Variants in TDRD9 observed in about 807,000 individuals in gnomAD.
TDRD9 encodes the protein ATP-dependent RNA helicase TDRD9.
In TDRD9, 124 loss-of-function variants were observed where a neutral mutation model predicts 172.6. That is an observed-to-expected ratio of 0.72 (90% CI 0.62 to 0.83). The LOEUF is 0.83. Ranked by LOEUF, TDRD9 falls within the 40% of genes least tolerant of loss-of-function variation. The probability of loss-of-function intolerance (pLI) is 0.00; values close to 1 mark genes in which losing one functional copy is unlikely to be tolerated. For synonymous variants in TDRD9, 619 were observed against 617.1 expected (o/e 1.00, Z -0.05); for missense variants, 1,479 against 1,714.1 (o/e 0.86, Z 2.42).
chr14:104,032,573 C>T (rs945506945), intron 30 of TDRD9, among the ~76,000 whole-genome samples: 1 of 152,230 alleles, frequency 6.6e-6, no homozygotes, highest in Non-Finnish European at 1.5e-5. Flanking sequence ...CTCTCTCACA[C>T]ACGTGAAAGC....
intron 1 of TDRD9, chr14:103,942,080 T>A (rs1180605724): frequency 5.2e-6 from 1 of 191,170 alleles, no homozygotes; most frequent in Non-Finnish European, 1.1e-5. Flanking sequence ...ACAGAAAAGG[T>A]TTAAAGCTTA....
At chr14:104,004,129 T>C (rs1463228268) in intron 13 of TDRD9, 109 bp from the exon 14 acceptor site, 14 of 516,940 alleles carry the variant, frequency 2.7e-5, no homozygotes, top group Middle Eastern at 2.8e-4. Flanking sequence ...TGGTGGAAGA[T>C]ACTTAAGGCT....
chr14:103,997,395 T>C lies in TDRD9; in HGVS notation c.1379-1229T>C, dbSNP rs566841032. Among the ~76,000 whole-genome samples the C allele has an allele frequency of 5.3e-5, 8 of 152,262 alleles. No homozygotes were observed. In the South Asian group the frequency reaches 1.7e-3, roughly 32 times the overall value. On this transcript the variant is annotated intron_variant, in intron 12 of 35. Coordinates refer to ENST00000409874, the MANE Select transcript of TDRD9 (RefSeq NM_153046.3). This position sits in a 1 kb window ranked among gnomAD's most constrained non-coding sequence, Gnocchi z 5.1. ...TTGTGAGAGACACATTTGGTCGGCC[T>C]CTAGACATGTGGCCTGAGAGACTGG...
intron 4 of TDRD9, among the ~76,000 whole-genome samples, chr14:103,965,973 A>G (rs952744728): frequency 1.3e-5 from 2 of 152,032 alleles, no homozygotes; most frequent in African/African-American, 4.8e-5. Context: ...ACAAACAAAA[A>G]AAGAAACCAG....
intron 7 of TDRD9, among the ~76,000 whole-genome samples, chr14:103,983,931 A>T (rs147120448): frequency 0.023 from 3,522 of 152,278 alleles, 77 homozygotes; most frequent in East Asian, 0.07. Flanking sequence ...TCAGATGGAG[A>T]TGAGGAACTT....
chr14:104,026,261 G>A (rs1036718209), intron 27 of TDRD9, 125 bp downstream of exon 27: 5 of 664,752 alleles, frequency 7.5e-6, no homozygotes, highest in Non-Finnish European at 1.3e-5. Context: ...AGGACAGGGA[G>A]GGACTTGCTT....
At chr14:103,962,068 A>C (rs1051957968) in intron 2 of TDRD9, among the ~76,000 whole-genome samples, 1 of 152,210 alleles carries the variant, frequency 6.6e-6, no homozygotes, top group African/African-American at 2.4e-5. Flanking sequence ...TTGTCAAGTG[A>C]TGACCAGAGG....
chr14:104,010,457 G>A (rs954770408), intron 20 of TDRD9, among the ~76,000 whole-genome samples: 2 of 152,070 alleles, frequency 1.3e-5, no homozygotes, highest in Non-Finnish European at 2.9e-5. Context: ...AAGGTCATCA[G>A]GGGCAGTAAC....
chr14:103,963,268 C>A, intron 3 of TDRD9, 92 bp downstream of exon 3: 1 of 895,924 alleles, frequency 1.1e-6, no homozygotes, highest in Non-Finnish European at 1.7e-6. Context: ...TTACCAGTTG[C>A]CAGGTGAACA....
chr14:103,929,642 C>T (rs970401178), intron 1 of TDRD9, among the ~76,000 whole-genome samples: 1 of 152,076 alleles, frequency 6.6e-6, no homozygotes. Context: ...GCCTCAGCCT[C>T]CCGAGTAGCT....
chr14:103,953,922 TC>T (rs943610837), intron 1 of TDRD9, among the ~76,000 whole-genome samples: 1 of 152,196 alleles, frequency 6.6e-6, no homozygotes, highest in African/African-American at 2.4e-5. Context: ...GCTAACCTCT[TC>T]CTGAAACACC....
chr14:104,014,914 C>A, intron 21 of TDRD9, 73 bp downstream of exon 21: 1 of 839,518 alleles, frequency 1.2e-6, no homozygotes, highest in Non-Finnish European at 1.9e-6. Flanking sequence ...CGAGAAACTG[C>A]TTATTCCTGC....
intron 32 of TDRD9, among the ~76,000 whole-genome samples, chr14:104,036,282 T>G (rs904667913): frequency 7.9e-5 from 12 of 152,242 alleles, no homozygotes; most frequent in African/African-American, 2.7e-4. Flanking sequence ...GTTTTAATTA[T>G]ACATGCACTT....
At chr14:103,993,062 T>C (rs1402551838) in intron 9 of TDRD9, among the ~76,000 whole-genome samples, 3 of 152,012 alleles carry the variant, frequency 2.0e-5, no homozygotes, top group Non-Finnish European at 2.9e-5. Context: ...CTCTACCTTC[T>C]GGGCTGAAGT....
At chr14:103,996,078 C>A (rs997625261) in intron 12 of TDRD9, among the ~76,000 whole-genome samples, 3 of 152,146 alleles carry the variant, frequency 2.0e-5, no homozygotes, top group African/African-American at 7.2e-5. Flanking sequence ...AGCTTCGGGG[C>A]TGCCAGGTGG....
rs1182825040 is a variant in TDRD9 at position 104,051,988 on chromosome 14, C to T, written c.4055C>T (p.Pro1352Leu). 7.5e-6 allele frequency: 12 copies of T among 1,590,912 alleles called. No individual in the cohort carries two copies. The Admixed American group carries it at 2.1e-4, about 28-fold the overall frequency. Reference protein sequence around the residue: ...EKPYEWNQVDPKLVMEQADRE... With the variant: ...EKPYEWNQVDLKLVMEQADRE... ...GCTTGTCTACCCCATTAGGTTGATCCAAAGCTGGTCATGGAGCAGGCCGAC... is the reference window on the plus strand; with the variant it reads ...GCTTGTCTACCCCATTAGGTTGATCTAAAGCTGGTCATGGAGCAGGCCGAC... The change falls in exon 36 of 36, where the codon CCA (proline) becomes CTA (leucine). Residue 1352 changes from proline to leucine, a missense_variant. This residue lies in a region of TDRD9 where 1,413 missense variants were observed against 1,649.1 expected (regional missense o/e 0.86). Coordinates refer to ENST00000409874, the MANE Select transcript of TDRD9 (RefSeq NM_153046.3).
intron 1 of TDRD9, among the ~76,000 whole-genome samples, chr14:103,933,169 T>C (rs1471585995): frequency 6.6e-6 from 1 of 152,258 alleles, no homozygotes; most frequent in Non-Finnish European, 1.5e-5. Flanking sequence ...CTTTCTGTTA[T>C]CCTTACATTC....
intron 20 of TDRD9, among the ~76,000 whole-genome samples, chr14:104,012,221 CTT>C (rs2034635553): frequency 6.6e-6 from 1 of 152,114 alleles, no homozygotes; most frequent in African/African-American, 2.4e-5. Context: ...AGCGTGAACT[CTT>C]TTGTGTGGCC....
chr14:104,016,946 AG>A (rs142857684), intron 22 of TDRD9, among the ~76,000 whole-genome samples: 4,731 of 152,296 alleles, frequency 0.031, 104 homozygotes, highest in Non-Finnish European at 0.048. Flanking sequence ...GTCTTTGATG[AG>A]CACCAAAAGG....
Sources: allele counts gnomAD v4.1 joint callset (sites outside exome capture counted in the v4.1 genomes callset), GRCh38; gene constraint gnomAD v4.1.1; regional missense constraint gnomAD v4.1.1; non-coding constraint Gnocchi (gnomAD v3.1); transcripts MANE v1.5; gene names NCBI Gene and HGNC (gene_info 2026-07-23, HGNC 2026-07-21).